MED18: variants seen among roughly 807,000 people sequenced by gnomAD.
MED18 encodes the protein mediator of RNA polymerase II transcription subunit 18.
In MED18, 10 loss-of-function variants were observed where a neutral mutation model predicts 13.9. The ratio of observed to expected loss-of-function variants is 0.72; its 90% CI spans 0.44 to 1.22. The LOEUF is 1.22. Ranked by LOEUF, MED18 falls within the 50% of genes most tolerant of loss-of-function variation. The pLI is 0.00. For synonymous variants in MED18, 88 were observed against 93.2 expected (o/e 0.94, Z 0.32); for missense variants, 216 against 279.0 (o/e 0.77, Z 1.61).
At chr1:28,332,461 G>T (rs1649772580) in intron 2 of MED18, among the ~76,000 whole-genome samples, 1 of 151,934 alleles carries the variant, frequency 6.6e-6, no homozygotes, top group Admixed American at 6.6e-5. Context: ...AGTGGCTAGA[G>T]ATTGGTAGGA....
intron 2 of MED18, among the ~76,000 whole-genome samples, chr1:28,334,071 A>G (rs1649839444): frequency 6.6e-6 from 1 of 152,184 alleles, no homozygotes; most frequent in African/African-American, 2.4e-5. Flanking sequence ...CTACAAAAAT[A>G]AATAAATACA....
chr1:28,332,288 G>A (rs1020599503), intron 2 of MED18, among the ~76,000 whole-genome samples: 1 of 151,908 alleles, frequency 6.6e-6, no homozygotes, highest in African/African-American at 2.4e-5. Context: ...GTGCGCACCT[G>A]TAGTCTGAAC....
intron 1 of MED18, among the ~76,000 whole-genome samples, chr1:28,329,596 C>G (rs1412308663): frequency 6.6e-6 from 1 of 151,972 alleles, no homozygotes; most frequent in African/African-American, 2.4e-5. Context: ...CCTTGGCTCT[C>G]TTTAAAAGGC....
rs1257633800 is a variant in MED18 at position 28,330,740 on chromosome 1, G to C, written c.73+5G>C. The C allele has an allele frequency of 2.5e-6, 4 of 1,587,450 alleles. No homozygotes were observed. The South Asian group carries it at 4.6e-5, about 18-fold the overall frequency. On this transcript the variant is annotated splice_donor_5th_base_variant and intron_variant, in intron 2 of 2. Coordinates refer to ENST00000373842, the MANE Select transcript of MED18 (RefSeq NM_017638.3). ...TGATGGAGTACCTGTTGCAGGGTAA[G>C]TGAACTAGGGAACTTGGATTACCTG... is the stretch of plus-strand genomic sequence containing the variant.
Position 28,335,901 on chromosome 1 carries a change from G to A in MED18, c.*931G>A, listed in dbSNP as rs1044417547. ...GACAATTTCTTGTTTGGCCATTTGT[G>A]TATAAGGTTGGTAACATTAGAGGCT... On this transcript the variant is annotated 3_prime_UTR_variant, in exon 3 of 3. Coordinates refer to ENST00000373842, the MANE Select transcript of MED18 (RefSeq NM_017638.3). 5 of 152,148 alleles carry A rather than the reference G, an allele frequency of 3.3e-5. No individual in the cohort carries two copies. Among genetic ancestry groups the A allele is most frequent in the African/African-American group, 1.2e-4 (5 of 41,426 alleles). The allele number at this position is 152,148 out of a possible 1,614,324, so 9.4% of individuals were successfully genotyped here.
chr1:28,334,576 G>A lies in MED18; in HGVS notation c.233G>A (p.Arg78Lys). The A allele has an allele frequency of 1.2e-6, 2 of 1,614,206 alleles. No individual in the cohort carries two copies. Among genetic ancestry groups the A allele is most frequent in the South Asian group, 1.1e-5 (1 of 91,078 alleles). ...FVLRARRSMD[R>K]AGAPWHLRYL... ...CTCAGGGCCCGACGCTCTATGGACAGGGCAGGGGCACCCTGGCATCTGCGC... is the reference window on the plus strand; with the variant it reads ...CTCAGGGCCCGACGCTCTATGGACAAGGCAGGGGCACCCTGGCATCTGCGC... The change falls in exon 3 of 3, where the codon AGG becomes AAG. Residue 78 changes from arginine (R) to lysine (K), a missense_variant. Physicochemically the swap from Arg to Lys is conservative, Grantham distance 26 (BLOSUM62 2). Coordinates refer to ENST00000373842, the MANE Select transcript of MED18 (RefSeq NM_017638.3).
chr1:28,330,695 C>T lies in MED18; in HGVS notation c.33C>T (p.Val11=), dbSNP rs534194020. Residue 11 remains valine, a synonymous_variant, in exon 2 of 3, where the codon GTC becomes GTT. Coordinates refer to ENST00000373842, the MANE Select transcript of MED18 (RefSeq NM_017638.3). ...CACCTCCAGTCACCATGATGCCTGTCACTGGGGGCACCATTAACATGATGG... is the reference window on the plus strand; with the variant it reads ...CACCTCCAGTCACCATGATGCCTGTTACTGGGGGCACCATTAACATGATGG... MEAPPVTMMP[V]TGGTINMMEY... The T allele has an allele frequency of 6.2e-6, 10 of 1,604,708 alleles. No individual in the cohort carries two copies. In the Admixed American group the frequency reaches 1.0e-4, roughly 17 times the overall value.
intron 1 of MED18, 100 bp downstream of exon 1, chr1:28,329,280 C>CGTTTTT (rs1649619011): frequency 1.0e-5 from 1 of 96,024 alleles, no homozygotes; most frequent in Non-Finnish European, 1.9e-5. Context: ...CTCTCTCTCT[C>CGTTTTT]TTTTTTTTTT....
chr1:28,334,790 C>G lies in MED18; in HGVS notation c.447C>G (p.Phe149Leu). The change falls in exon 3 of 3, where the codon TTC (phenylalanine) becomes TTG (leucine). Residue 149 changes from phenylalanine to leucine, a missense_variant. Coordinates refer to ENST00000373842, the MANE Select transcript of MED18 (RefSeq NM_017638.3). ...GIMKIMVYKI[F>L]RILVPGNTDS... Reference sequence around the variant, plus strand: ...TGAAGATTATGGTGTACAAGATTTTCCGCATCCTGGTGCCAGGGAACACAG... The same window carrying G: ...TGAAGATTATGGTGTACAAGATTTTGCGCATCCTGGTGCCAGGGAACACAG... The G allele has an allele frequency of 6.2e-7, 1 of 1,614,182 alleles. No individual in the cohort carries two copies. The highest frequency in any genetic ancestry group is 2.2e-5 in the East Asian group (1 of 44,888).
rs1553177654 is a variant in MED18, at chr1:28,335,002, C to G, written c.*32C>G. On this transcript the variant is annotated 3_prime_UTR_variant, in exon 3 of 3. Coordinates refer to ENST00000373842, the MANE Select transcript of MED18 (RefSeq NM_017638.3). ...GGATCTGTCCACATTTGGGGCCTAT[C>G]CTTACTTGTTTGAAAAAATATGTTT... 6.5e-7 allele frequency: 1 copy of G among 1,530,582 alleles called. No homozygotes were observed. The highest frequency in any genetic ancestry group is 2.3e-5 in the East Asian group (1 of 44,094). The allele number at this position is 1,530,582 out of a possible 1,614,324, so 94.8% of individuals were successfully genotyped here. A position where few individuals can be genotyped will look rare whatever the true frequency, so the allele number is the denominator to read the frequency against.
intron 1 of MED18, among the ~76,000 whole-genome samples, chr1:28,330,113 A>C (rs1649660400): frequency 6.6e-6 from 1 of 151,986 alleles, no homozygotes; most frequent in Non-Finnish European, 1.5e-5. Flanking sequence ...CTCTACTAAA[A>C]ATACAAAAAA....
chr1:28,330,369 T>A, intron 1 of MED18: 1 of 265,482 alleles, frequency 3.8e-6, no homozygotes, highest in South Asian at 3.9e-5. Context: ...TTCTCAAGAT[T>A]GCACAGGTAA....
At position 28,334,398 on chromosome 1, in the gene MED18, G is replaced by A; in HGVS notation, c.74-19G>A. ...CTAAAATGAAAGACAGGACTCAGTG[G>A]TGCTTTTTCCGTTTTCAGGAAGTGT... On this transcript the variant is annotated intron_variant, in intron 2 of 2. Transcript: ENST00000373842. The A allele has an allele frequency of 1.2e-6, 2 of 1,603,872 alleles. No homozygotes were observed. The highest frequency in any genetic ancestry group is 1.7e-4 in the Middle Eastern group (1 of 6,006).
chr1:28,329,378 C>G (rs1279665292), intron 1 of MED18, among the ~76,000 whole-genome samples, 198 bp downstream of exon 1: 1 of 150,578 alleles, frequency 6.6e-6, no homozygotes, highest in Non-Finnish European at 1.5e-5. Flanking sequence ...CCTCGCCTTC[C>G]GGGTTCAAGC....
Position 28,330,744 on chromosome 1 carries a change from A to G in MED18, c.73+9A>G. On this transcript the variant is annotated intron_variant, in intron 2 of 2. Transcript: ENST00000373842. ...GGAGTACCTGTTGCAGGGTAAGTGA[A>G]CTAGGGAACTTGGATTACCTGTTTT... 1.3e-6 allele frequency: 2 copies of G among 1,586,340 alleles called. No homozygotes were observed. Among genetic ancestry groups the G allele is most frequent in the African/African-American group, 1.4e-5 (1 of 73,500 alleles).
In MED18 at chr1:28,335,037, G is replaced by T. The variant is rs1649895402; in HGVS notation, c.*67G>T. 1.4e-6 allele frequency: 2 copies of T among 1,449,976 alleles called. No homozygotes were observed. The highest frequency in any genetic ancestry group is 1.4e-5 in the African/African-American group (1 of 69,988). 89.8% of individuals were successfully genotyped at this position (1,449,976 alleles called of 1,614,324 possible). A position where few individuals can be genotyped will look rare whatever the true frequency, so the allele number is the denominator to read the frequency against. On this transcript the variant is annotated 3_prime_UTR_variant, in exon 3 of 3. Coordinates refer to ENST00000373842, the MANE Select transcript of MED18 (RefSeq NM_017638.3). Reference sequence around the variant, plus strand: ...TTGAAAAAATATGTTTGCTTTTTTTGGTTTTTGTTTTGTTTTGTTTTTGAG... The same window carrying T: ...TTGAAAAAATATGTTTGCTTTTTTTTGTTTTTGTTTTGTTTTGTTTTTGAG...
chr1:28,334,478 C>G lies in MED18; in HGVS notation c.135C>G (p.Asn45Lys). The change falls in exon 3 of 3, where the codon AAC becomes AAG. Residue 45 changes from asparagine (N) to lysine (K), a missense_variant. Physicochemically the swap from Asn to Lys is moderately conservative, Grantham distance 94. Transcript: ENST00000373842. ...ACCGCCTTCGTGGTTTGTGTGACAACATGGAACCTGAGACTTTCCTTGACC... is the reference window on the plus strand; with the variant it reads ...ACCGCCTTCGTGGTTTGTGTGACAAGATGGAACCTGAGACTTTCCTTGACC... ...LIHRLRGLCD[N>K]MEPETFLDHE... is the part of the protein sequence containing the mutation. The G allele has an allele frequency of 6.2e-7, 1 of 1,614,212 alleles. No homozygotes were observed. Among genetic ancestry groups the G allele is most frequent in the Non-Finnish European group, 8.5e-7 (1 of 1,180,046 alleles).
At chr1:28,330,791 C>A in intron 2 of MED18, 56 bp downstream of exon 2, 1 of 1,389,984 alleles carries the variant, frequency 7.2e-7, no homozygotes. Flanking sequence ...TTCAGCTTCC[C>A]TTAAGATGAG....
intron 2 of MED18, among the ~76,000 whole-genome samples, chr1:28,332,261 A>T (rs77530877): frequency 6.6e-6 from 1 of 151,850 alleles, no homozygotes; most frequent in Non-Finnish European, 1.5e-5. Context: ...AAAAAAAAAA[A>T]TTAGCTGGGC....
Sources: gnomAD v4.1 joint callset for allele counts (sites outside exome capture counted in the v4.1 genomes callset) on GRCh38, gnomAD v4.1.1 for gene constraint, MANE v1.5 for transcripts, NCBI Gene and HGNC (gene_info 2026-07-23, HGNC 2026-07-21) for gene names.